The following ADGRV1 variants were observed in gnomAD, a reference collection of about 807,000 sequenced individuals.
ADGRV1 encodes adhesion G protein-coupled receptor V1.
In ADGRV1, 359 loss-of-function variants were observed where a neutral mutation model predicts 596.2. The ratio of observed to expected loss-of-function variants is 0.60; its 90% CI spans 0.55 to 0.66. The LOEUF is 0.66. Ranked by LOEUF, ADGRV1 falls within the 30% of genes least tolerant of loss-of-function variation. ADGRV1 has a pLI of 0.00. For synonymous variants in ADGRV1, 2,681 were observed against 2,679.2 expected, an observed-to-expected ratio of 1.00 and a Z score of -0.02; for missense variants, 7,274 against 7,575.6, an observed-to-expected ratio of 0.96 and a Z score of 1.48.
intron 78 of ADGRV1, among the ~76,000 whole-genome samples, chr5:90,842,058 G>C (rs928462684): frequency 1.3e-5 from 2 of 152,172 alleles, no homozygotes; most frequent in Non-Finnish European, 2.9e-5. Flanking sequence ...TTTGGCCAGG[G>C]AAAGAGAAAG....
chr5:90,666,787 C>G (rs1771492900), intron 21 of ADGRV1, among the ~76,000 whole-genome samples: 2 of 151,496 alleles, frequency 1.3e-5, no homozygotes, highest in Admixed American at 1.3e-4. Context: ...CCTTCAGGAG[C>G]TCTTTTAGGA....
At chr5:91,147,067 T>G (rs547854962) in intron 87 of ADGRV1, among the ~76,000 whole-genome samples, 1 of 150,998 alleles carries the variant, frequency 6.6e-6, no homozygotes, top group African/African-American at 2.4e-5. Flanking sequence ...CTGAGCAGGC[T>G]AAGGTGGGAG....
chr5:90,603,932 G>A lies in ADGRV1; in HGVS notation c.23-10903G>A, dbSNP rs542012838. ...TGCAGGCACGTACACACACATGCAC[G>A]CTCACCACCTTGTGAACTGGTTTTC... On this transcript the variant is annotated intron_variant, in intron 1 of 89. Coordinates refer to ENST00000405460, the MANE Select transcript of ADGRV1 (RefSeq NM_032119.4). Among the ~76,000 whole-genome samples, 12 of 141,060 alleles carry A rather than the reference G, an allele frequency of 8.5e-5. No individual in the cohort carries two copies. In the East Asian group the frequency reaches 3.0e-3, roughly 35 times the overall value. 92.5% of individuals were successfully genotyped at this position (141,060 alleles called of 152,430 possible).
chr5:91,154,267 G>A (rs1340794292), intron 89 of ADGRV1, among the ~76,000 whole-genome samples: 1 of 152,154 alleles, frequency 6.6e-6, no homozygotes, highest in Non-Finnish European at 1.5e-5. Flanking sequence ...AAGAAAATGT[G>A]TCCATGCCCA....
At chr5:90,569,387 AT>A (rs869133714) in intron 1 of ADGRV1, among the ~76,000 whole-genome samples, 12 of 16,326 alleles carry the variant, frequency 7.4e-4, no homozygotes, top group Admixed American at 3.1e-3. Flanking sequence ...ATATATATAT[AT>A]TTTTTTTTTT....
At chr5:90,835,135 T>C (rs1413370225) in intron 77 of ADGRV1, among the ~76,000 whole-genome samples, 1 of 152,218 alleles carries the variant, frequency 6.6e-6, no homozygotes, top group African/African-American at 2.4e-5. Flanking sequence ...GTATTTATTG[T>C]AGTCTTCACA....
At chr5:90,875,243 G>A (rs139269276) in intron 83 of ADGRV1, among the ~76,000 whole-genome samples, 427 of 152,286 alleles carry the variant, frequency 2.8e-3, no homozygotes, top group African/African-American at 9.9e-3. Flanking sequence ...AATGTAATCT[G>A]TAGTGATCTA....
chr5:91,021,401 T>A (rs1783620845), intron 85 of ADGRV1, among the ~76,000 whole-genome samples: 1 of 152,076 alleles, frequency 6.6e-6, no homozygotes, highest in Admixed American at 6.6e-5. Flanking sequence ...TTTACAAAGT[T>A]AAGTACAGAA....
intron 73 of ADGRV1, among the ~76,000 whole-genome samples, chr5:90,809,539 CAAGAG>C (rs1762250019): frequency 1.3e-5 from 2 of 152,186 alleles, no homozygotes; most frequent in East Asian, 3.9e-4. Context: ...GGCTGCTTGA[CAAGAG>C]AGAGTAATGG....
chr5:90,653,723 C>T lies in ADGRV1; in HGVS notation c.4149C>T (p.Tyr1383=), dbSNP rs138929990. 2.5e-5 allele frequency: 40 copies of T among 1,612,810 alleles called. No individual in the cohort carries two copies. The highest frequency in any genetic ancestry group is 8.9e-5 in the East Asian group (4 of 44,860). ...ATGACGGTAATGGAAGCATCTACTA[C>T]GGGGTAAAAATACAAACAAACGAAT... ...AKDDGNGSIY[Y]GVKIQTNESH... Residue 1383 remains tyrosine (Y), a synonymous_variant, in exon 20 of 90, where the codon TAC becomes TAT. Coordinates refer to ENST00000405460, the MANE Select transcript of ADGRV1 (RefSeq NM_032119.4).
chr5:90,685,798 T>C lies in ADGRV1; in HGVS notation c.6293T>C (p.Leu2098Pro). The part of the protein sequence containing the change: ...QSRSIPNSPR[L>P]GPKVETIAQL... ...CTTTCAGTTCCAAATTCTCCACGTC[T>C]TGGGCCTAAGGTAGAAACTATTGCG... The change falls in exon 29 of 90, where the codon CTT becomes CCT. Residue 2098 changes from leucine to proline, a missense_variant. Coordinates refer to ENST00000405460, the MANE Select transcript of ADGRV1 (RefSeq NM_032119.4). The C allele has an allele frequency of 6.2e-7, 1 of 1,609,058 alleles. No individual in the cohort carries two copies. The highest frequency in any genetic ancestry group is 1.1e-5 in the South Asian group (1 of 90,742).
chr5:90,896,875 T>C (rs1481805613), intron 83 of ADGRV1, among the ~76,000 whole-genome samples: 1 of 152,144 alleles, frequency 6.6e-6, no homozygotes, highest in African/African-American at 2.4e-5. Context: ...CAGCATTAAT[T>C]GGGCAAGAAG....
At chr5:90,720,345 A>G in intron 44 of ADGRV1, 122 bp downstream of exon 44, 2 of 685,720 alleles carry the variant, frequency 2.9e-6, no homozygotes, top group Non-Finnish European at 4.6e-6. Context: ...TTTAAAATGA[A>G]CTCTAGAAAA....
Position 90,574,182 on chromosome 5 carries a change from A to T in ADGRV1, c.22+15265A>T, listed in dbSNP as rs79699654. Among the ~76,000 whole-genome samples, 705 of 127,696 alleles carry T rather than the reference A, an allele frequency of 5.5e-3. 33 individuals are homozygous for T. The East Asian group carries it at 0.097, about 18-fold the overall frequency. The allele number at this position is 127,696 out of a possible 152,430, so 83.8% of individuals were successfully genotyped here. Reference sequence around the variant, plus strand: ...AATTTCAGAATAGTTTTTTTTTTTTAAATTCTGTGAAGAATGATGTTGGTA... The same window carrying T: ...AATTTCAGAATAGTTTTTTTTTTTTTAATTCTGTGAAGAATGATGTTGGTA... On this transcript the variant is annotated intron_variant, in intron 1 of 89. Coordinates refer to ENST00000405460, the MANE Select transcript of ADGRV1 (RefSeq NM_032119.4).
In ADGRV1 at chr5:90,783,221, C is replaced by T; in HGVS notation, c.13329C>T (p.Ala4443=). The stretch of plus-strand genomic sequence containing the variant: ...ATTTCATCTCTCAGAGCTCCTCTGC[C>T]AGTCCCGGAGGTGTTGATTACATTT... ...TADFISQSSS[A]SPGGVDYILH... The change falls in exon 66 of 90, where the codon GCC becomes GCT. Residue 4443 remains alanine, a synonymous_variant. Transcript: ENST00000405460. 1 of 1,613,570 alleles carries T rather than the reference C, an allele frequency of 6.2e-7. No homozygotes were observed. The highest frequency in any genetic ancestry group is 1.3e-5 in the African/African-American group (1 of 75,024).
intron 85 of ADGRV1, among the ~76,000 whole-genome samples, chr5:91,020,244 G>A (rs1783523196): frequency 6.6e-6 from 1 of 151,974 alleles, no homozygotes; most frequent in South Asian, 2.1e-4. Context: ...ATCCCAAAGA[G>A]TAGGGCTAGG....
intron 70 of ADGRV1, among the ~76,000 whole-genome samples, chr5:90,801,358 C>T (rs1581168190): frequency 6.6e-6 from 1 of 152,068 alleles, no homozygotes; most frequent in Non-Finnish European, 1.5e-5. Flanking sequence ...AGGAGCTAGG[C>T]GGGAAGGCAC....
At position 90,756,644 on chromosome 5, in the gene ADGRV1, T is replaced by C. The variant is rs1223669911; in HGVS notation, c.11757+14T>C. 3 of 1,608,976 alleles carry C rather than the reference T, an allele frequency of 1.9e-6. No individual in the cohort carries two copies. Among genetic ancestry groups the C allele is most frequent in the Admixed American group, 3.4e-5 (2 of 59,694 alleles). ...CATGTTACTAGAGTGAGATGAACTT[T>C]CATTTGTTTACAGTCATACAGAGGC... On this transcript the variant is annotated intron_variant, in intron 56 of 89. Coordinates refer to ENST00000405460, the MANE Select transcript of ADGRV1 (RefSeq NM_032119.4).
intron 87 of ADGRV1, among the ~76,000 whole-genome samples, chr5:91,130,087 G>A (rs1794084696): frequency 1.3e-5 from 2 of 152,008 alleles, no homozygotes; most frequent in Admixed American, 1.3e-4. Flanking sequence ...AAATTTTTTA[G>A]TGACTGTAAA....
Sources: allele counts gnomAD v4.1 joint callset (sites outside exome capture counted in the v4.1 genomes callset), GRCh38; gene constraint gnomAD v4.1.1; transcripts MANE v1.5; gene names NCBI Gene and HGNC (gene_info 2026-07-23, HGNC 2026-07-21).